ADORA2B: variants seen among roughly 807,000 people sequenced by gnomAD.
The protein encoded by ADORA2B is adenosine A2b receptor, also known as adenosine receptor A2b.
In ADORA2B, 18 loss-of-function variants were observed where a neutral mutation model predicts 20.8. The observed-to-expected ratio is 0.87, with a 90% CI of 0.60 to 1.29. The LOEUF is 1.29. ADORA2B is among the 50% of genes most tolerant of loss of function. The pLI is 0.00. For missense variants in ADORA2B, 441 were observed against 422.7 expected (o/e 1.04, Z -0.38); for synonymous variants, 179 against 178.3 (o/e 1.00, Z -0.03).
At chr17:15,881,093 TTTTC>T in the ADORA2B span, among the ~76,000 whole-genome samples, 1 of 152,150 alleles carries the variant, frequency 6.6e-6, no homozygotes, top group African/African-American at 2.4e-5. Context: ...TTGATCTGGT[TTTTC>T]TTTTTTTATT....
the ADORA2B span, among the ~76,000 whole-genome samples, chr17:15,880,622 C>T: frequency 6.7e-6 from 1 of 149,946 alleles, no homozygotes; most frequent in East Asian, 2.0e-4. Context: ...GGACAGCAGC[C>T]TACAAGGGTG....
chr17:15,866,718 T>TGCCGCTGCCGCTGCCGCTGCCGCTGCCG, the ADORA2B span, among the ~76,000 whole-genome samples: 1 of 127,534 alleles, frequency 7.8e-6, no homozygotes, highest in African/African-American at 3.1e-5. Context: ...TGCCGCTGCC[T>TGCCGCTGCCGCTGCCGCTGCCGCTGCCG]CTGCCGCTGC....
chr17:15,867,403 T>C, the ADORA2B span, among the ~76,000 whole-genome samples: 15 of 150,548 alleles, frequency 1.0e-4, no homozygotes, highest in Admixed American at 9.9e-4. Flanking sequence ...TGCCGCCCCA[T>C]CTGGGATGTG....
the ADORA2B span, among the ~76,000 whole-genome samples, chr17:15,892,456 A>G: frequency 6.6e-6 from 1 of 151,774 alleles, no homozygotes; most frequent in African/African-American, 2.4e-5. Context: ...GGTGTTAGCC[A>G]CCGTGCTCGG....
chr17:15,950,067 A>T (rs1448130110), intron 1 of ADORA2B, among the ~76,000 whole-genome samples: 2 of 152,168 alleles, frequency 1.3e-5, no homozygotes, highest in Non-Finnish European at 2.9e-5. Context: ...ATTCCCTTAT[A>T]TGGCCAAAAC....
At chr17:15,911,354 G>T in the ADORA2B span, among the ~76,000 whole-genome samples, 11 of 152,240 alleles carry the variant, frequency 7.2e-5, no homozygotes, top group African/African-American at 2.7e-4. Context: ...GTTGTTGGTT[G>T]TTGGGTTTAA....
intron 1 of ADORA2B, 162 bp from the exon 2 acceptor site, chr17:15,974,517 C>A: frequency 1.7e-6 from 1 of 598,510 alleles, no homozygotes; most frequent in Non-Finnish European, 2.9e-6. Context: ...GCTGCTCATC[C>A]CTGCTTGCAT....
chr17:15,970,120 G>C lies in ADORA2B; in HGVS notation c.336-4559G>C, dbSNP rs567239720. Among the ~76,000 whole-genome samples the C allele has an allele frequency of 1.7e-4, 26 of 152,288 alleles. No individual in the cohort carries two copies. The South Asian group carries it at 5.4e-3, about 32-fold the overall frequency. On this transcript the variant is annotated intron_variant, in intron 1 of 1. Coordinates refer to ENST00000304222, the MANE Select transcript of ADORA2B (RefSeq NM_000676.4). ...GGAACCCGTCGCAATTCATAACTTC[G>C]TATTTATATGTTTACTTATTTTCTG...
At chr17:15,894,583 A>C in the ADORA2B span, among the ~76,000 whole-genome samples, 2 of 152,234 alleles carry the variant, frequency 1.3e-5, no homozygotes, top group Non-Finnish European at 2.9e-5. Flanking sequence ...GTTTGGCCTC[A>C]CCCAGTAACC....
At chr17:15,957,085 C>G (rs1004402376) in intron 1 of ADORA2B, among the ~76,000 whole-genome samples, 16 of 152,106 alleles carry the variant, frequency 1.1e-4, no homozygotes, top group Non-Finnish European at 4.4e-5. Context: ...CACTTGGCAT[C>G]CAGATGAGAA....
rs757674821 is a variant in ADORA2B at position 15,945,477 on chromosome 17, G to A, written c.229G>A (p.Gly77Ser). ...ISLGFCTDFY[G>S]CLFLACFVLV... ...CCTGGGCTTCTGCACTGACTTCTAC[G>A]GCTGCCTCTTCCTCGCCTGCTTCGT... is the stretch of plus-strand genomic sequence containing the variant. The change falls in exon 1 of 2, where the codon GGC becomes AGC. Residue 77 changes from glycine to serine, a missense_variant. By Grantham distance (56) the Gly-to-Ser change is moderately conservative. Transcript: ENST00000304222. 3.1e-6 allele frequency: 5 copies of A among 1,613,106 alleles called. No individual in the cohort carries two copies. The South Asian group carries it at 4.4e-5, about 14-fold the overall frequency.
chr17:15,945,280 T>A lies in ADORA2B; in HGVS notation c.32T>A (p.Val11Glu). Residue 11 changes from valine (V) to glutamate (E), a missense_variant, in exon 1 of 2, where the codon GTG becomes GAG. Physicochemically the swap from Val to Glu is moderately radical, Grantham distance 121. Transcript: ENST00000304222. MLLETQDALYVALELVIAALS... is the reference protein window; with the variant it reads MLLETQDALYEALELVIAALS... ...CTGGAGACACAGGACGCGCTGTACGTGGCGCTGGAGCTGGTCATCGCCGCG... is the reference window on the plus strand; with the variant it reads ...CTGGAGACACAGGACGCGCTGTACGAGGCGCTGGAGCTGGTCATCGCCGCG... 6.6e-7 allele frequency: 1 copy of A among 1,525,000 alleles called. No homozygotes were observed. Among genetic ancestry groups the A allele is most frequent in the Non-Finnish European group, 8.8e-7 (1 of 1,139,506 alleles). 94.5% of individuals were successfully genotyped at this position (1,525,000 alleles called of 1,614,324 possible). A position where few individuals can be genotyped will look rare whatever the true frequency, so the allele number is the denominator to read the frequency against.
At position 15,975,305 on chromosome 17, in the gene ADORA2B, A is replaced by T; in HGVS notation, c.962A>T (p.Gln321Leu). Residue 321 changes from glutamine (Q) to leucine (L), a missense_variant, in exon 2 of 2, where the codon CAG becomes CTG. Physicochemically the swap from Gln to Leu is moderately radical, Grantham distance 113. Coordinates refer to ENST00000304222, the MANE Select transcript of ADORA2B (RefSeq NM_000676.4). The part of the protein sequence containing the change: ...CQADVKSGNG[Q>L]AGVQPALGVG... ...GCAGATGTCAAGAGTGGGAATGGTC[A>T]GGCTGGGGTACAGCCTGCTCTCGGT... The T allele has an allele frequency of 3.1e-6, 5 of 1,613,046 alleles. No homozygotes were observed. Among genetic ancestry groups the T allele is most frequent in the Non-Finnish European group, 4.2e-6 (5 of 1,180,012 alleles).
the ADORA2B span, among the ~76,000 whole-genome samples, chr17:15,924,066 C>G: frequency 6.6e-6 from 1 of 152,266 alleles, no homozygotes; most frequent in Admixed American, 6.5e-5. Flanking sequence ...GCACCCACCA[C>G]CATACCCAGC....
chr17:15,975,137 A>C lies in ADORA2B; in HGVS notation c.794A>C (p.Lys265Thr), dbSNP rs1303176043. Residue 265 changes from lysine (K) to threonine (T), a missense_variant, in exon 2 of 2, where the codon AAA becomes ACA. Transcript: ENST00000304222. ...ACTCTTTTCCAGCCAGCTCAGGGTA[A>C]AAATAAGCCCAAGTGGGCAATGAAT... The part of the protein sequence containing the change: ...CVTLFQPAQG[K>T]NKPKWAMNMA... The C allele has an allele frequency of 1.7e-5, 27 of 1,614,228 alleles. No homozygotes were observed. Among genetic ancestry groups the C allele is most frequent in the Non-Finnish European group, 2.3e-5 (27 of 1,180,026 alleles).
At chr17:15,933,961 TC>T in the ADORA2B span, among the ~76,000 whole-genome samples, 1 of 152,176 alleles carries the variant, frequency 6.6e-6, no homozygotes, top group Non-Finnish European at 1.5e-5. Context: ...CAGTCTTTTA[TC>T]ATTGAATACG....
At chr17:15,913,706 T>C in the ADORA2B span, among the ~76,000 whole-genome samples, 1 of 152,218 alleles carries the variant, frequency 6.6e-6, no homozygotes, top group Non-Finnish European at 1.5e-5. Context: ...TTATGAAAAA[T>C]ATGCTATAAA....
chr17:15,891,802 C>T, the ADORA2B span, among the ~76,000 whole-genome samples: 3 of 151,138 alleles, frequency 2.0e-5, no homozygotes, highest in East Asian at 5.9e-4. Flanking sequence ...CTGCCTCAGC[C>T]TCCTGAGTAG....
chr17:15,967,305 T>G (rs1388888658), intron 1 of ADORA2B, among the ~76,000 whole-genome samples: 4 of 151,890 alleles, frequency 2.6e-5, no homozygotes, highest in African/African-American at 9.7e-5. Context: ...CTCACTCAGT[T>G]CACTGCAACC....
Sources: allele counts gnomAD v4.1 joint callset (sites outside exome capture counted in the v4.1 genomes callset), GRCh38; gene constraint gnomAD v4.1.1; transcripts MANE v1.5; gene names NCBI Gene and HGNC (gene_info 2026-07-23, HGNC 2026-07-21).